FOXP2: variants seen among roughly 807,000 people sequenced by gnomAD.
The protein encoded by FOXP2 is forkhead box P2, also known as forkhead box protein P2.
A neutral mutation model predicts 115.8 loss-of-function variants in FOXP2; 12 were observed. The ratio of observed to expected loss-of-function variants is 0.10; its 90% CI spans 0.07 to 0.17. The LOEUF is 0.17. Ranked by LOEUF, FOXP2 falls within the 10% of genes least tolerant of loss-of-function variation. FOXP2 has a pLI of 1.00. For synonymous variants in FOXP2, 328 were observed against 297.7 expected, an observed-to-expected ratio of 1.10 and a Z score of -1.05; for missense variants, 629 against 843.5, an observed-to-expected ratio of 0.75 and a Z score of 3.15.
At chr7:114,144,195 C>T (rs904442812) in intron 1 of FOXP2, among the ~76,000 whole-genome samples, 2 of 152,090 alleles carry the variant, frequency 1.3e-5, no homozygotes, top group Non-Finnish European at 2.9e-5. Flanking sequence ...CTTCAAATTA[C>T]GATGGCTTTA....
At chr7:114,160,461 T>C (rs1360672068), upstream of FOXP2, among the ~76,000 whole-genome samples, 1 of 152,160 alleles carries the variant, frequency 6.6e-6, no homozygotes, top group Non-Finnish European at 1.5e-5. Flanking sequence ...TTGACATATA[T>C]ACTCTACATA....
At position 114,553,143 on chromosome 7, in the gene FOXP2, A is replaced by T. The variant is rs189368410; in HGVS notation, c.258+18437A>T. 6.6e-5 allele frequency among the ~76,000 whole-genome samples: 10 copies of T among 152,278 alleles called. 1 individual carries two copies. Among genetic ancestry groups the T allele is most frequent in the Non-Finnish European group, 1.3e-4 (9 of 67,996 alleles). ...TTATTTATTGTAATAGCTGCTCTTCATTCAAACAAACATCAGTGAGTTATG... is the reference window on the plus strand; with the variant it reads ...TTATTTATTGTAATAGCTGCTCTTCTTTCAAACAAACATCAGTGAGTTATG... On this transcript the variant is annotated intron_variant, in intron 3 of 16. Transcript: ENST00000350908.
At chr7:114,528,986 C>T (rs1490108002) in intron 2 of FOXP2, among the ~76,000 whole-genome samples, 1 of 151,678 alleles carries the variant, frequency 6.6e-6, no homozygotes, top group African/African-American at 2.4e-5. Context: ...ACCTTTCATT[C>T]CTTAGAATTT....
At chr7:114,452,456 A>G (rs1333930448) in intron 2 of FOXP2, among the ~76,000 whole-genome samples, 1 of 152,062 alleles carries the variant, frequency 6.6e-6, no homozygotes, top group Non-Finnish European at 1.5e-5. Flanking sequence ...AATGTTATAT[A>G]GGTGTGCTTC....
At chr7:114,306,267 A>G (rs2129179228) in intron 2 of FOXP2, among the ~76,000 whole-genome samples, 1 of 152,266 alleles carries the variant, frequency 6.6e-6, no homozygotes, top group Non-Finnish European at 1.5e-5. Context: ...ATTACAGCAC[A>G]GCAAGCCACA....
intron 2 of FOXP2, among the ~76,000 whole-genome samples, chr7:114,290,036 C>T (rs1316847055): frequency 1.3e-5 from 2 of 151,748 alleles, no homozygotes; most frequent in South Asian, 2.1e-4. Context: ...ATTTTTGCTT[C>T]TCAGCTCTCA....
intron 2 of FOXP2, among the ~76,000 whole-genome samples, chr7:114,532,965 A>T (rs1327854012): frequency 2.0e-5 from 3 of 152,010 alleles, no homozygotes; most frequent in Non-Finnish European, 4.4e-5. Context: ...AAAGTTTCAA[A>T]TAGTGAGCCT....
chr7:114,398,856 A>G (rs1027546610), intron 2 of FOXP2, among the ~76,000 whole-genome samples: 9 of 152,234 alleles, frequency 5.9e-5, no homozygotes, highest in Non-Finnish European at 8.8e-5. Flanking sequence ...AGTAGTAGCT[A>G]TCTCTAAGCT....
At chr7:114,643,976 C>T (rs1300656547) in intron 7 of FOXP2, among the ~76,000 whole-genome samples, 1 of 152,086 alleles carries the variant, frequency 6.6e-6, no homozygotes, top group African/African-American at 2.4e-5. Flanking sequence ...TGTTTCTGGC[C>T]TTCATTTGAG....
chr7:114,188,532 T>C lies in FOXP2; in HGVS notation c.-102+25444T>C, dbSNP rs113240099. Among the ~76,000 whole-genome samples the C allele has an allele frequency of 3.0e-3, 457 of 152,328 alleles. 4 individuals carry two copies. The highest frequency in any genetic ancestry group is 9.9e-3 in the African/African-American group (410 of 41,574). On this transcript the variant is annotated intron_variant, in intron 1 of 17. Transcript: ENST00000634411. ...AAAGGTAGCTCCTCAATATAGGTAA[T>C]AAAGGTAACTCCTCAATCCTTTTTT...
chr7:114,531,644 A>AAAAG (rs1377834753), intron 2 of FOXP2, among the ~76,000 whole-genome samples: 1 of 152,038 alleles, frequency 6.6e-6, no homozygotes, highest in African/African-American at 2.4e-5. Context: ...CTACTCTACC[A>AAAAG]AAAGAATGTT....
intron 3 of FOXP2, among the ~76,000 whole-genome samples, chr7:114,571,145 A>G (rs568141879): frequency 9.2e-5 from 14 of 152,060 alleles, no homozygotes; most frequent in African/African-American, 3.1e-4. Flanking sequence ...CTTTAACACC[A>G]CTATACTTTT....
intron 7 of FOXP2, among the ~76,000 whole-genome samples, 155 bp downstream of exon 7, chr7:114,642,778 TA>T (rs1269432193): frequency 9.2e-4 from 68 of 73,980 alleles, no homozygotes; most frequent in East Asian, 3.4e-3. Context: ...ATTTTATATA[TA>T]ATATATATAT....
At chr7:114,253,808 G>A (rs927919861) in intron 1 of FOXP2, among the ~76,000 whole-genome samples, 1 of 152,130 alleles carries the variant, frequency 6.6e-6, no homozygotes, top group Non-Finnish European at 1.5e-5. Context: ...GATTAATATT[G>A]TTATGTGTGA....
intron 2 of FOXP2, among the ~76,000 whole-genome samples, chr7:114,394,933 A>G (rs1792702041): frequency 6.6e-6 from 1 of 152,218 alleles, no homozygotes; most frequent in African/African-American, 2.4e-5. Flanking sequence ...GAGGCTGAGC[A>G]TTAGATCGTG....
intron 3 of FOXP2, chr7:114,561,561 T>A (rs1250437948): frequency 6.6e-6 from 1 of 152,208 alleles, no homozygotes; most frequent in Non-Finnish European, 1.5e-5. Context: ...GAAATAGTAA[T>A]CTCTTATTTA....
chr7:114,448,466 G>C (rs1376451129), intron 2 of FOXP2, among the ~76,000 whole-genome samples: 1 of 152,036 alleles, frequency 6.6e-6, no homozygotes, highest in African/African-American at 2.4e-5. Flanking sequence ...ATGTAATAAA[G>C]TTACATTTAA....
chr7:114,199,991 C>G (rs1236250580), intron 1 of FOXP2, among the ~76,000 whole-genome samples: 1 of 152,122 alleles, frequency 6.6e-6, no homozygotes, highest in East Asian at 1.9e-4. Context: ...ATTTTACTTT[C>G]ATCATATCCT....
chr7:114,489,835 AT>A (rs1236743887), intron 2 of FOXP2, among the ~76,000 whole-genome samples: 3 of 152,142 alleles, frequency 2.0e-5, no homozygotes, highest in Non-Finnish European at 4.4e-5. Flanking sequence ...GATGCTCCAC[AT>A]TGTATGTCAT....
Sources: gnomAD v4.1 joint callset for allele counts (sites outside exome capture counted in the v4.1 genomes callset) on GRCh38, gnomAD v4.1.1 for gene constraint, MANE v1.5 for transcripts, NCBI Gene and HGNC (gene_info 2026-07-23, HGNC 2026-07-21) for gene names.